CKM: variants seen among roughly 807,000 people sequenced by gnomAD.
CKM encodes the protein creatine kinase, M-type.
A neutral mutation model predicts 35.4 loss-of-function variants in CKM; 28 were observed. The ratio of observed to expected loss-of-function variants is 0.79; its 90% CI spans 0.59 to 1.08. The LOEUF (loss-of-function observed/expected upper bound fraction) is 1.08. Ranked by LOEUF, CKM falls within the 50% of genes least tolerant of loss-of-function variation. The pLI, the probability that CKM is intolerant of heterozygous loss-of-function variation, is 0.00. For synonymous variants in CKM, 215 were observed against 204.4 expected (o/e 1.05, Z -0.44); for missense variants, 484 against 509.8 (o/e 0.95, Z 0.49).
Position 45,315,556 on chromosome 19 carries a change from G to C in CKM, c.390C>G (p.Arg130=), listed in dbSNP as rs758609227. 6.2e-7 allele frequency: 1 copy of C among 1,603,736 alleles called. No individual in the cohort carries two copies. Among genetic ancestry groups the C allele is most frequent in the East Asian group, 2.2e-5 (1 of 44,876 alleles). The change falls in exon 4 of 8, where the codon CGC becomes CGG. Residue 130 remains arginine, a synonymous_variant. Transcript: ENST00000221476. Reference sequence around the variant, plus strand: ...CCTTGATGCTGCGGCCAGTGCGGACGCGGCTGCTGAGCACGTAGTTAGGGT... The same window carrying C: ...CCTTGATGCTGCGGCCAGTGCGGACCCGGCTGCTGAGCACGTAGTTAGGGT... ...DLDPNYVLSS[R]VRTGRSIKGY... is the part of the protein sequence containing the mutation.
At chr19:45,321,193 G>A (rs1331262486) in intron 1 of CKM, among the ~76,000 whole-genome samples, 2 of 151,798 alleles carry the variant, frequency 1.3e-5, no homozygotes, top group East Asian at 1.9e-4. Flanking sequence ...CATGAGTCAC[G>A]GCACCTGGCC....
intron 4 of CKM, among the ~76,000 whole-genome samples, chr19:45,314,497 T>A (rs1176462862): frequency 2.0e-5 from 3 of 151,986 alleles, no homozygotes; most frequent in Non-Finnish European, 4.4e-5. Flanking sequence ...CACTGCAACC[T>A]CTGCCTCCCA....
intron 4 of CKM, among the ~76,000 whole-genome samples, chr19:45,314,288 A>G (rs1971137255): frequency 6.6e-6 from 1 of 152,178 alleles, no homozygotes; most frequent in South Asian, 2.1e-4. Context: ...CACAACAGAA[A>G]GGTTCCAACT....
intron 5 of CKM, 143 bp from the exon 6 acceptor site, chr19:45,308,675 G>T: frequency 9.9e-7 from 1 of 1,014,218 alleles, no homozygotes; most frequent in Non-Finnish European, 1.5e-6. Context: ...TCCTCAAAAC[G>T]CAGAAGCTTA....
chr19:45,308,402 C>T lies in CKM; in HGVS notation c.777+7G>A, dbSNP rs980554996. ...TCAGAAGTCAGCAGCTAAGGGCAGA[C>T]ACCCACCTTCTGCAGCCCTACGCAG... On this transcript the variant is annotated splice_region_variant and intron_variant, in intron 6 of 7. Coordinates refer to ENST00000221476, the MANE Select transcript of CKM (RefSeq NM_001824.5). 6.2e-7 allele frequency: 1 copy of T among 1,614,106 alleles called. No homozygotes were observed. The highest frequency in any genetic ancestry group is 8.5e-7 in the Non-Finnish European group (1 of 1,179,980).
Position 45,306,765 on chromosome 19 carries a change from G to A in CKM, c.1131C>T (p.Ile377=). Residue 377 remains isoleucine, a synonymous_variant, in exon 8 of 8, where the codon ATC becomes ATT. Transcript: ENST00000221476. The surrounding 1 kb of genome is among the most constrained non-coding windows in gnomAD (Gnocchi z 4.5). The part of the protein sequence containing the change: ...LEKGQSIDDM[I]PAQK ...GGGCAGGCGCCTACTTCTGGGCGGG[G>A]ATCATGTCGTCAATGGACTGGCCTT... 6.2e-7 allele frequency: 1 copy of A among 1,614,132 alleles called. No individual in the cohort carries two copies. The highest frequency in any genetic ancestry group is 1.1e-5 in the South Asian group (1 of 91,080).
Position 45,307,793 on chromosome 19 carries a change from G to A in CKM, c.778-143C>T. 1.2e-5 allele frequency: 8 copies of A among 677,712 alleles called. No homozygotes were observed. The South Asian group carries it at 1.2e-4, about 10-fold the overall frequency. The allele number at this position is 677,712 out of a possible 1,614,324, so 42.0% of individuals were successfully genotyped here. ...GGGGAACAGGGAGGTAGGAGATTCC[G>A]AGGGTGCTGGCTAGACAATGGGGAC... On this transcript the variant is annotated intron_variant, in intron 6 of 7. Coordinates refer to ENST00000221476, the MANE Select transcript of CKM (RefSeq NM_001824.5).
At chr19:45,314,114 A>AGGGAAGGGAAGGAAGGG (rs1971134512) in intron 4 of CKM, among the ~76,000 whole-genome samples, 1 of 143,776 alleles carries the variant, frequency 7.0e-6, no homozygotes, top group Non-Finnish European at 1.5e-5. Context: ...AGAAAAGGGA[A>AGGGAAGGGAAGGAAGGG]GGGAAGGGAA....
At chr19:45,319,983 G>A (rs1812835804) in intron 1 of CKM, among the ~76,000 whole-genome samples, 1 of 151,938 alleles carries the variant, frequency 6.6e-6, no homozygotes, top group Admixed American at 6.6e-5. Context: ...TAGAGACGGG[G>A]TTTCACCATG....
At position 45,311,939 on chromosome 19, in the gene CKM, G is replaced by C. The variant is rs1342072632; in HGVS notation, c.482-19C>G. On this transcript the variant is annotated intron_variant, in intron 4 of 7. Transcript: ENST00000221476. ...TTGAGAGCTATGGGGACACACGAGG[G>C]AGTGGTCAGCAGCCTGTCCCACCTC... The C allele has an allele frequency of 1.1e-5, 18 of 1,613,320 alleles. No homozygotes were observed. The highest frequency in any genetic ancestry group is 1.5e-5 in the Non-Finnish European group (18 of 1,179,844).
In CKM at chr19:45,317,974, G is replaced by A; in HGVS notation, c.199C>T (p.Pro67Ser). ...ACGCAGCCCACGGTCATGATGAAGG[G>A]GTGACCTGGAGGGGTGGGGGTGAGG... ...IQTGVDNPGH[P>S]FIMTVGCVAG... Residue 67 changes from proline (P) to serine (S), a missense_variant, in exon 3 of 8, where the codon CCC becomes TCC. Pro to Ser is a moderately conservative substitution (Grantham distance 74). Coordinates refer to ENST00000221476, the MANE Select transcript of CKM (RefSeq NM_001824.5). 6.2e-7 allele frequency: 1 copy of A among 1,613,960 alleles called. No individual in the cohort carries two copies. The highest frequency in any genetic ancestry group is 8.5e-7 in the Non-Finnish European group (1 of 1,179,942).
Position 45,311,844 on chromosome 19 carries a change from C to G in CKM, c.558G>C (p.Gln186His). ...CGAACAGGAAGTGGTCATCGATGAG[C>G]TGCTGCTGCTCCTTCTCCGTCATGC... ...LKSMTEKEQQ[Q>H]LIDDHFLFDK... is the part of the protein sequence containing the mutation. Residue 186 changes from glutamine to histidine, a missense_variant, in exon 5 of 8, where the codon CAG becomes CAC. Transcript: ENST00000221476. The G allele has an allele frequency of 6.2e-7, 1 of 1,613,732 alleles. No homozygotes were observed. The highest frequency in any genetic ancestry group is 1.1e-5 in the South Asian group (1 of 90,934).
At chr19:45,307,202 T>G (rs1971061329) in intron 7 of CKM, among the ~76,000 whole-genome samples, 1 of 152,130 alleles carries the variant, frequency 6.6e-6, no homozygotes, top group Admixed American at 6.6e-5. Flanking sequence ...ACTCCTCGCT[T>G]TATAAATGGG....
intron 4 of CKM, 90 bp from the exon 5 acceptor site, chr19:45,312,010 C>T (rs1221429670): frequency 5.4e-6 from 8 of 1,471,220 alleles, no homozygotes; most frequent in South Asian, 3.5e-5. Context: ...CTGCTCCTAA[C>T]GGGCCTGGGC....
rs541345976 is a variant in CKM, at chr19:45,319,069, C to T, written c.193+452G>A. ...ACAGGGTCTTGCTATGTTGCTCAGG[C>T]TGGTCTCAAACTCCTGGCCTCAAGT... On this transcript the variant is annotated intron_variant, in intron 2 of 7. Coordinates refer to ENST00000221476, the MANE Select transcript of CKM (RefSeq NM_001824.5). 5.9e-5 allele frequency among the ~76,000 whole-genome samples: 9 copies of T among 152,168 alleles called. No individual in the cohort carries two copies. The East Asian group carries it at 1.7e-3, about 29-fold the overall frequency.
chr19:45,311,425 C>T (rs1012245832), intron 5 of CKM, among the ~76,000 whole-genome samples: 2 of 151,262 alleles, frequency 1.3e-5, no homozygotes, highest in African/African-American at 4.9e-5. Flanking sequence ...TAGTAGACAC[C>T]GTGTTGGCCA....
intron 4 of CKM, 48 bp downstream of exon 4, chr19:45,315,417 G>C (rs1170439126): frequency 6.3e-7 from 1 of 1,588,858 alleles, no homozygotes; most frequent in South Asian, 1.1e-5. Flanking sequence ...TGGAGGAACA[G>C]AGCCAGGGCT....
At chr19:45,317,479 G>A (rs111596156) in intron 3 of CKM, among the ~76,000 whole-genome samples, 13,736 of 151,964 alleles carry the variant, frequency 0.09, 727 homozygotes, top group African/African-American at 0.12. Flanking sequence ...TAGAGACGGG[G>A]TTTCACCATG....
chr19:45,319,900 C>T (rs1425771503), intron 1 of CKM, among the ~76,000 whole-genome samples, 169 bp from the exon 2 acceptor site: 3 of 151,904 alleles, frequency 2.0e-5, no homozygotes, highest in Non-Finnish European at 4.4e-5. Flanking sequence ...ACACCATTCT[C>T]CCGCCTCAGC....
Sources: gnomAD v4.1 joint callset for allele counts (sites outside exome capture counted in the v4.1 genomes callset) on GRCh38, gnomAD v4.1.1 for gene constraint, Gnocchi (gnomAD v3.1) non-coding constraint, MANE v1.5 for transcripts, NCBI Gene and HGNC (gene_info 2026-07-23, HGNC 2026-07-21) for gene names.